TMEM220: variants seen among roughly 807,000 people sequenced by gnomAD.
The protein encoded by TMEM220 is transmembrane protein 220.
In TMEM220, 21 loss-of-function variants were observed where a neutral mutation model predicts 21.7. The ratio of observed to expected loss-of-function variants is 0.97; its 90% CI spans 0.69 to 1.39. TMEM220 has a LOEUF of 1.39. Ranked by LOEUF, TMEM220 falls within the 40% of genes most tolerant of loss-of-function variation. The pLI, the probability that TMEM220 is intolerant of heterozygous loss-of-function variation, is 0.00. For synonymous variants in TMEM220, 80 were observed against 73.6 expected (o/e 1.09, Z -0.45); for missense variants, 191 against 201.9 (o/e 0.95, Z 0.33).
At chr17:10,729,238 T>A (rs2075090844) in intron 1 of TMEM220, among the ~76,000 whole-genome samples, 178 bp from the exon 2 acceptor site, 1 of 152,192 alleles carries the variant, frequency 6.6e-6, no homozygotes, top group Admixed American at 6.5e-5. Flanking sequence ...GGTTTCTGGC[T>A]GACACAACAG....
At chr17:10,728,914 TTTTAAG>T in intron 2 of TMEM220, 111 bp downstream of exon 2, 2 of 1,155,868 alleles carry the variant, frequency 1.7e-6, no homozygotes, top group Middle Eastern at 2.0e-4. Context: ...AGGGTTTGAT[TTTTAAG>T]TTTCTCAGAA....
At chr17:10,728,293 T>C (rs1219770473) in intron 2 of TMEM220, among the ~76,000 whole-genome samples, 12 of 147,354 alleles carry the variant, frequency 8.1e-5, no homozygotes, top group Admixed American at 7.6e-4. Flanking sequence ...CTTTGCTTTT[T>C]TTTTTTCTTT....
chr17:10,725,322 T>C (rs896487775), intron 3 of TMEM220, among the ~76,000 whole-genome samples, 188 bp from the exon 4 acceptor site: 1 of 152,178 alleles, frequency 6.6e-6, no homozygotes, highest in Non-Finnish European at 1.5e-5. Flanking sequence ...TCAGTGGCCA[T>C]TTCTTGTTTG....
At chr17:10,727,068 A>G (rs1597533660) in intron 2 of TMEM220, among the ~76,000 whole-genome samples, 1 of 152,056 alleles carries the variant, frequency 6.6e-6, no homozygotes. Flanking sequence ...ATGAGGGAGG[A>G]TGTCTATGGG....
At chr17:10,711,224 T>C (rs1208225610), downstream of TMEM220, 2 of 1,104,276 alleles carry the variant, frequency 1.8e-6, no homozygotes, top group African/African-American at 1.6e-5. Context: ...CTCTGTCTCA[T>C]TGTTTAGTAT....
intron 5 of TMEM220, among the ~76,000 whole-genome samples, chr17:10,722,266 A>G (rs1415582792): frequency 3.3e-5 from 5 of 152,180 alleles, no homozygotes; most frequent in Admixed American, 3.3e-4. Context: ...AAGTGCTGAG[A>G]TTACAGGTGT....
Position 10,729,965 on chromosome 17 carries a change from T to C in TMEM220, c.-114A>G, listed in dbSNP as rs549728324. 99 of 1,229,114 alleles carry C rather than the reference T, an allele frequency of 8.1e-5. No individual in the cohort carries two copies. In the East Asian group the frequency reaches 2.9e-3, roughly 37 times the overall value. The allele number at this position is 1,229,114 out of a possible 1,614,324, so 76.1% of individuals were successfully genotyped here. On this transcript the variant is annotated 5_prime_UTR_variant, in exon 1 of 6. Transcript: ENST00000341871. ...GGAGGGACCGAGACCCCCGCCTCGG[T>C]TTCGGTGCCTTGGGGACACTGCCGT... is the stretch of plus-strand genomic sequence containing the variant.
At chr17:10,728,934 T>A in intron 2 of TMEM220, 97 bp downstream of exon 2, 2 of 1,316,750 alleles carry the variant, frequency 1.5e-6, no homozygotes, top group Non-Finnish European at 2.2e-6. Context: ...CTCAGAAAAT[T>A]AAGCAGGGAG....
chr17:10,711,585 T>TTG (rs1472935688), downstream of TMEM220, among the ~76,000 whole-genome samples: 20 of 152,358 alleles, frequency 1.3e-4, no homozygotes, highest in African/African-American at 3.8e-4. Flanking sequence ...TTTTATAGGC[T>TTG]TGTATTCCCA....
intron 3 of TMEM220, 38 bp downstream of exon 3, chr17:10,726,166 G>C (rs1294545221): frequency 6.4e-7 from 1 of 1,564,964 alleles, no homozygotes; most frequent in Non-Finnish European, 8.8e-7. Context: ...GAGGAAATCT[G>C]ATTTGCTGTC....
rs761686404 is a variant in TMEM220, at chr17:10,726,280, G to A, written c.103-16C>T. 6 of 1,610,298 alleles carry A rather than the reference G, an allele frequency of 3.7e-6. No individual in the cohort carries two copies. In the Admixed American group the frequency reaches 1.0e-4, roughly 27 times the overall value. On this transcript the variant is annotated splice_polypyrimidine_tract_variant and intron_variant, in intron 2 of 5. Transcript: ENST00000341871. ...TGTACACCACCTGTTAGCAAAAAGG[G>A]AGGAAATTACATGAGTTAAGATGTA... is the stretch of plus-strand genomic sequence containing the variant.
intron 2 of TMEM220, among the ~76,000 whole-genome samples, chr17:10,726,664 C>T (rs764375185): frequency 1.2e-4 from 19 of 152,182 alleles, no homozygotes; most frequent in Non-Finnish European, 2.5e-4. Flanking sequence ...GCTAGATGGC[C>T]CTGCTGGCTT....
At chr17:10,724,975 G>A (rs372906525) in intron 4 of TMEM220, 36 bp downstream of exon 4, 1 of 1,613,424 alleles carries the variant, frequency 6.2e-7, no homozygotes, top group African/African-American at 1.3e-5. Flanking sequence ...CTATCCCACA[G>A]TTCTATCCCT....
Position 10,715,591 on chromosome 17 carries a change from A to G in TMEM220, c.348-3T>C. ...GAATTCTTCCACCAACTGGATTCCTATAAAGACACAAAAATTATTATAAAT... is the reference window on the plus strand; with the variant it reads ...GAATTCTTCCACCAACTGGATTCCTGTAAAGACACAAAAATTATTATAAAT... On this transcript the variant is annotated splice_polypyrimidine_tract_variant and splice_region_variant and intron_variant, in intron 5 of 5. Transcript: ENST00000341871. The G allele has an allele frequency of 1.3e-6, 2 of 1,565,844 alleles. No homozygotes were observed. Among genetic ancestry groups the G allele is most frequent in the Non-Finnish European group, 1.7e-6 (2 of 1,166,448 alleles).
At chr17:10,727,919 G>C (rs143152550) in intron 2 of TMEM220, among the ~76,000 whole-genome samples, 1,570 of 152,284 alleles carry the variant, frequency 0.01, 14 homozygotes, top group Non-Finnish European at 0.017. Context: ...CCAGCACTTT[G>C]GGAGGCTGAG....
At chr17:10,725,678 T>G (rs2075041550) in intron 3 of TMEM220, among the ~76,000 whole-genome samples, 1 of 152,194 alleles carries the variant, frequency 6.6e-6, no homozygotes, top group African/African-American at 2.4e-5. Flanking sequence ...GAAGGTAAAG[T>G]TCCGAGTCCA....
At chr17:10,727,864 A>C (rs1331999923) in intron 2 of TMEM220, among the ~76,000 whole-genome samples, 1 of 152,166 alleles carries the variant, frequency 6.6e-6, no homozygotes. Flanking sequence ...ATTTTGGAAG[A>C]TAAAAGATAT....
At chr17:10,724,741 A>C (rs952069456) in intron 4 of TMEM220, among the ~76,000 whole-genome samples, 3 of 152,172 alleles carry the variant, frequency 2.0e-5, no homozygotes, top group African/African-American at 4.8e-5. Flanking sequence ...AAGGGGGCCA[A>C]AGTCCAACGG....
chr17:10,721,729 A>G (rs2074994541), intron 5 of TMEM220, among the ~76,000 whole-genome samples: 1 of 151,812 alleles, frequency 6.6e-6, no homozygotes, highest in African/African-American at 2.4e-5. Context: ...GGTGATGAGT[A>G]TATCTGATTC....
Sources: allele counts gnomAD v4.1 joint callset (sites outside exome capture counted in the v4.1 genomes callset), GRCh38; gene constraint gnomAD v4.1.1; transcripts MANE v1.5; gene names NCBI Gene and HGNC (gene_info 2026-07-23, HGNC 2026-07-21).